NEDD9: variants seen among roughly 807,000 people sequenced by gnomAD.
NEDD9 encodes the protein neural precursor cell expressed, developmentally down-regulated 9.
NEDD9 carries 26 observed loss-of-function variants against 76.6 expected under a neutral mutation model. That is an observed-to-expected ratio of 0.34 (90% CI 0.25 to 0.47). NEDD9 has a LOEUF of 0.47. Ranked by LOEUF, NEDD9 falls within the 20% of genes least tolerant of loss-of-function variation. NEDD9 has a pLI of 1.00. For missense variants in NEDD9, 937 were observed against 1,058.5 expected, an observed-to-expected ratio of 0.89 and a Z score of 1.59; for synonymous variants, 392 against 414.2, an observed-to-expected ratio of 0.95 and a Z score of 0.65.
intron 1 of NEDD9, among the ~76,000 whole-genome samples, chr6:11,353,322 G>A (rs1300024261): frequency 6.6e-6 from 1 of 152,216 alleles, no homozygotes; most frequent in Middle Eastern, 3.2e-3. Context: ...GGTCATGAAG[G>A]TGAGCCCTGA....
chr6:11,237,498 A>G (rs746315565), upstream of NEDD9, among the ~76,000 whole-genome samples: 1 of 152,198 alleles, frequency 6.6e-6, no homozygotes, highest in Non-Finnish European at 1.5e-5. This position sits in a 1 kb window ranked among gnomAD's most constrained non-coding sequence, Gnocchi z 4.9. Context: ...CCTTTTCAGA[A>G]CCAACTCAAG....
chr6:11,375,354 A>T (rs1010921605), intron 1 of NEDD9, among the ~76,000 whole-genome samples: 8 of 152,228 alleles, frequency 5.3e-5, no homozygotes, highest in African/African-American at 1.9e-4. Context: ...TGCAAATTGT[A>T]TATATACCTA....
intron 6 of NEDD9, among the ~76,000 whole-genome samples, chr6:11,187,139 G>T (rs1038404906): frequency 2.0e-5 from 3 of 150,198 alleles, no homozygotes; most frequent in South Asian, 2.1e-4. Flanking sequence ...GATGGGGGGG[G>T]TACTTTCCCA....
chr6:11,326,323 G>C (rs1294429153), intron 2 of NEDD9, among the ~76,000 whole-genome samples: 1 of 152,114 alleles, frequency 6.6e-6, no homozygotes, highest in Non-Finnish European at 1.5e-5. Flanking sequence ...CATGATTATA[G>C]CTTGCTGTGG....
At chr6:11,245,725 G>A (rs1239293754) in intron 3 of NEDD9, among the ~76,000 whole-genome samples, 3 of 152,184 alleles carry the variant, frequency 2.0e-5, no homozygotes, top group South Asian at 2.1e-4. Flanking sequence ...TAGAGCCAAT[G>A]CCAAAGTGCT....
At chr6:11,340,022 G>A (rs1762241924) in intron 1 of NEDD9, among the ~76,000 whole-genome samples, 1 of 152,196 alleles carries the variant, frequency 6.6e-6, no homozygotes, top group South Asian at 2.1e-4. Flanking sequence ...AAACATTAGT[G>A]ATGGCCGCAA....
intron 2 of NEDD9, among the ~76,000 whole-genome samples, chr6:11,334,240 C>T (rs1762103930): frequency 6.6e-6 from 1 of 152,144 alleles, no homozygotes; most frequent in South Asian, 2.1e-4. Flanking sequence ...ATAGGATACA[C>T]AAACATTAAT....
At chr6:11,228,220 G>A (rs936224171) in intron 1 of NEDD9, among the ~76,000 whole-genome samples, 1 of 152,080 alleles carries the variant, frequency 6.6e-6, no homozygotes, top group Non-Finnish European at 1.5e-5. Context: ...GGTCATAAAA[G>A]CACGAAAGTG....
chr6:11,237,151 A>G (rs1759620274), upstream of NEDD9, among the ~76,000 whole-genome samples: 1 of 151,358 alleles, frequency 6.6e-6, no homozygotes, highest in African/African-American at 2.4e-5. This position sits in a 1 kb window ranked among gnomAD's most constrained non-coding sequence, Gnocchi z 4.9. Flanking sequence ...CCCTCCCTTC[A>G]CTATGCCCCC....
rs1199050102 is a variant in NEDD9 at position 11,213,571 on chromosome 6, C to T, written c.169G>A (p.Gly57Ser). The T allele has an allele frequency of 2.5e-6, 4 of 1,614,196 alleles. No individual in the cohort carries two copies. Among genetic ancestry groups the T allele is most frequent in the Non-Finnish European group, 2.5e-6 (3 of 1,180,032 alleles). The change falls in exon 2 of 7, where the codon GGC (glycine) becomes AGC (serine). Residue 57 changes from glycine to serine, a missense_variant. Physicochemically the swap from Gly to Ser is moderately conservative, Grantham distance 56 (BLOSUM62 0). Coordinates refer to ENST00000379446, the MANE Select transcript of NEDD9 (RefSeq NM_006403.4). This position sits in a 1 kb window ranked among gnomAD's most constrained non-coding sequence, Gnocchi z 5.4. ...CCAATCAGAAGCTTCACCCGGTTGC[C>T]TGGGACAATGCCTTGCCGACCGTGT... ...SLHGRQGIVP[G>S]NRVKLLIGPM... is the part of the protein sequence containing the mutation.
At chr6:11,212,813 T>C (rs981920560) in intron 2 of NEDD9, among the ~76,000 whole-genome samples, 1 of 152,226 alleles carries the variant, frequency 6.6e-6, no homozygotes, top group Non-Finnish European at 1.5e-5. Context: ...TCACTCTCGC[T>C]ACTTTGGGTG....
Position 11,184,049 on chromosome 6 carries a change from C to T in NEDD9, c.*1113G>A, listed in dbSNP as rs1307265801. The T allele has an allele frequency of 1.3e-5, 2 of 152,194 alleles. No homozygotes were observed. Among genetic ancestry groups the T allele is most frequent in the African/African-American group, 2.4e-5 (1 of 41,430 alleles). 9.4% of individuals were successfully genotyped at this position (152,194 alleles called of 1,614,324 possible). On this transcript the variant is annotated 3_prime_UTR_variant, in exon 7 of 7. Coordinates refer to ENST00000379446, the MANE Select transcript of NEDD9 (RefSeq NM_006403.4). ...GGAAGTTGCAAAAATTAGATGGACT[C>T]TGTGTAGCTAGCCACTCTTGAGTGT...
chr6:11,346,228 A>T (rs1468212118), intron 1 of NEDD9, among the ~76,000 whole-genome samples: 1 of 152,194 alleles, frequency 6.6e-6, no homozygotes, highest in African/African-American at 2.4e-5. Flanking sequence ...ATGAACAAAC[A>T]TGGCTGTGAA....
chr6:11,343,172 G>A (rs895785693), intron 1 of NEDD9, among the ~76,000 whole-genome samples: 1 of 152,166 alleles, frequency 6.6e-6, no homozygotes, highest in Non-Finnish European at 1.5e-5. Flanking sequence ...GCTCACGTCT[G>A]TAATCCCAGC....
intron 3 of NEDD9, among the ~76,000 whole-genome samples, chr6:11,289,554 G>A (rs773816670): frequency 3.5e-4 from 54 of 152,236 alleles, no homozygotes; most frequent in Middle Eastern, 3.4e-3. Flanking sequence ...CCGGGTTCAC[G>A]CCATTCTCCT....
intron 1 of NEDD9, among the ~76,000 whole-genome samples, chr6:11,232,078 A>G (rs1759483908): frequency 6.6e-6 from 1 of 152,130 alleles, no homozygotes; most frequent in Admixed American, 6.5e-5. Flanking sequence ...ACTTTGCACT[A>G]AGAGCCAGTC....
chr6:11,270,682 C>T (rs1474780885), intron 3 of NEDD9, among the ~76,000 whole-genome samples: 1 of 152,252 alleles, frequency 6.6e-6, no homozygotes, highest in Non-Finnish European at 1.5e-5. Flanking sequence ...CTAATGCTCT[C>T]ATCTGGTTCA....
intron 1 of NEDD9, among the ~76,000 whole-genome samples, chr6:11,380,001 C>A (rs1455790704): frequency 4.6e-5 from 7 of 152,242 alleles, no homozygotes; most frequent in Non-Finnish European, 1.0e-4. Flanking sequence ...GACGCATCTT[C>A]GTGCTGTGCG....
intron 2 of NEDD9, among the ~76,000 whole-genome samples, chr6:11,207,959 C>T (rs1165940786): frequency 1.3e-5 from 2 of 152,180 alleles, no homozygotes; most frequent in African/African-American, 2.4e-5. Flanking sequence ...GGGCATATCA[C>T]CTGAGGCCAG....
Sources: allele counts gnomAD v4.1 joint callset (sites outside exome capture counted in the v4.1 genomes callset), GRCh38; gene constraint gnomAD v4.1.1; non-coding constraint Gnocchi (gnomAD v3.1); transcripts MANE v1.5; gene names NCBI Gene and HGNC (gene_info 2026-07-23, HGNC 2026-07-21).